Variants in DCC observed in about 807,000 individuals in gnomAD.
DCC encodes the protein netrin receptor DCC.
DCC carries 58 observed loss-of-function variants against 172.5 expected under a neutral mutation model. That is an observed-to-expected ratio of 0.34 (90% CI 0.27 to 0.42). DCC has a LOEUF of 0.42. DCC is among the 10% of genes least tolerant of loss of function. The probability of loss-of-function intolerance (pLI) is 1.00; values close to 1 mark genes in which losing one functional copy is unlikely to be tolerated. For synonymous variants in DCC, 709 were observed against 644.5 expected, an observed-to-expected ratio of 1.10 and a Z score of -1.52; for missense variants, 1,740 against 1,791.0, an observed-to-expected ratio of 0.97 and a Z score of 0.51.
chr18:52,512,998 T>G (rs1463242546), intron 1 of DCC, among the ~76,000 whole-genome samples: 2 of 151,708 alleles, frequency 1.3e-5, no homozygotes, highest in African/African-American at 4.8e-5. Context: ...GAGCTAGGAG[T>G]AGAAAATATA....
chr18:53,124,139 CTTTTG>C (rs2043521645), intron 7 of DCC, among the ~76,000 whole-genome samples: 1 of 151,976 alleles, frequency 6.6e-6, no homozygotes, highest in Non-Finnish European at 1.5e-5. Context: ...TTTCATTTTT[CTTTTG>C]TTTTGTTCTT....
At chr18:52,767,444 A>C (rs1252479439) in intron 2 of DCC, among the ~76,000 whole-genome samples, 2 of 152,326 alleles carry the variant, frequency 1.3e-5, no homozygotes, top group Middle Eastern at 3.4e-3. Context: ...ATATCACAAA[A>C]GTAAATGGTC....
intron 12 of DCC, among the ~76,000 whole-genome samples, chr18:53,233,280 C>G (rs1023084182): frequency 4.6e-5 from 7 of 152,178 alleles, no homozygotes; most frequent in African/African-American, 1.4e-4. Flanking sequence ...AGTGTCCTCC[C>G]TATTTCTTCA....
At chr18:53,523,285 G>A (rs1386859108) in intron 27 of DCC, among the ~76,000 whole-genome samples, 2 of 152,162 alleles carry the variant, frequency 1.3e-5, no homozygotes, top group Non-Finnish European at 2.9e-5. Context: ...AGAGGATGTG[G>A]AGAAATAGGA....
At chr18:53,505,908 A>AG (rs2046168551) in intron 27 of DCC, among the ~76,000 whole-genome samples, 1 of 152,206 alleles carries the variant, frequency 6.6e-6, no homozygotes, top group Admixed American at 6.5e-5. Flanking sequence ...ACTGCTGTAT[A>AG]GATTTTGTTG....
intron 15 of DCC, among the ~76,000 whole-genome samples, chr18:53,370,077 T>C (rs544583642): frequency 6.6e-6 from 1 of 151,974 alleles, no homozygotes; most frequent in South Asian, 2.1e-4. Flanking sequence ...TACAAACCCA[T>C]GAGGTCCTGG....
intron 1 of DCC, among the ~76,000 whole-genome samples, chr18:52,505,128 A>G (rs1190223747): frequency 6.6e-6 from 1 of 152,192 alleles, no homozygotes; most frequent in East Asian, 1.9e-4. Flanking sequence ...AACTTGCTGT[A>G]AGAGGCAAAC....
intron 1 of DCC, among the ~76,000 whole-genome samples, chr18:52,696,803 C>T (rs554591168): frequency 2.6e-5 from 4 of 152,264 alleles, no homozygotes; most frequent in South Asian, 2.1e-4. Flanking sequence ...AGCCTGGAAT[C>T]GAAGGCTACA....
chr18:52,536,061 GATGGGGTAGGAGA>G (rs1238820446), intron 1 of DCC, among the ~76,000 whole-genome samples: 2 of 152,138 alleles, frequency 1.3e-5, no homozygotes, highest in Non-Finnish European at 2.9e-5. Context: ...CAGACGCTGA[GATGGGGTAGGAGA>G]ACAAAAAAGC....
At chr18:52,370,252 A>G (rs1472298706) in intron 1 of DCC, among the ~76,000 whole-genome samples, 2 of 152,230 alleles carry the variant, frequency 1.3e-5, no homozygotes, top group African/African-American at 4.8e-5. Flanking sequence ...AATATAAATC[A>G]TTCTATTATA....
At chr18:53,278,096 A>G (rs2056827377) in intron 12 of DCC, among the ~76,000 whole-genome samples, 1 of 152,182 alleles carries the variant, frequency 6.6e-6, no homozygotes, top group Non-Finnish European at 1.5e-5. Context: ...TCACAGGCAT[A>G]TGACTAGACA....
chr18:52,426,575 G>A (rs1271914225), intron 1 of DCC, among the ~76,000 whole-genome samples: 1 of 151,812 alleles, frequency 6.6e-6, no homozygotes. Context: ...AGCAACCACC[G>A]ACAAAAACCT....
At chr18:53,480,525 C>CT (rs1245536930) in intron 25 of DCC, among the ~76,000 whole-genome samples, 4 of 152,162 alleles carry the variant, frequency 2.6e-5, no homozygotes, top group African/African-American at 4.8e-5. Context: ...GCATAGCACT[C>CT]TTTTTTTCAA....
At chr18:52,671,755 C>T (rs1372255116) in intron 1 of DCC, among the ~76,000 whole-genome samples, 1 of 151,766 alleles carries the variant, frequency 6.6e-6, no homozygotes, top group Non-Finnish European at 1.5e-5. Context: ...AGGCTGGTCT[C>T]GAACTCCTGA....
chr18:52,399,115 T>C (rs1042657860), intron 1 of DCC, among the ~76,000 whole-genome samples: 4 of 151,998 alleles, frequency 2.6e-5, no homozygotes, highest in Non-Finnish European at 5.9e-5. Context: ...TAAACTGAGA[T>C]AAGGCTCTTG....
chr18:53,060,581 A>G (rs2042479769), intron 5 of DCC, among the ~76,000 whole-genome samples: 1 of 152,162 alleles, frequency 6.6e-6, no homozygotes, highest in Non-Finnish European at 1.5e-5. Context: ...ATAATTGTTG[A>G]GGCATCCCTG....
In DCC at chr18:53,526,105, A is replaced by C. The variant is rs187233776; in HGVS notation, c.4112-512A>C. ...AGAATTACATCTTTTTTGTTCCAAA[A>C]TAGAATTAAAAATGATAGTCTATCA... On this transcript the variant is annotated intron_variant, in intron 27 of 28. Transcript: ENST00000442544. Among the ~76,000 whole-genome samples the C allele has an allele frequency of 3.5e-4, 52 of 147,446 alleles. No homozygotes were observed. In the East Asian group the frequency reaches 9.6e-3, roughly 27 times the overall value.
rs113607434 is a variant in DCC at position 53,016,805 on chromosome 18, A to G, written c.986-46500A>G. On this transcript the variant is annotated intron_variant, in intron 5 of 28. Coordinates refer to ENST00000442544, the MANE Select transcript of DCC (RefSeq NM_005215.4). ...TATATTTGTTTTCAAAAGATTTTTT[A>G]CGTCTGCCCTTTAATGTTTACAGCT... 6.7e-3 allele frequency among the ~76,000 whole-genome samples: 1,017 copies of G among 152,270 alleles called. 17 individuals carry two copies. Among genetic ancestry groups the G allele is most frequent in the African/African-American group, 0.023 (957 of 41,570 alleles).
chr18:52,703,164 T>C (rs1424376123), intron 1 of DCC, among the ~76,000 whole-genome samples: 3 of 152,208 alleles, frequency 2.0e-5, no homozygotes, highest in African/African-American at 7.2e-5. Flanking sequence ...TAAAATCTTC[T>C]GAATTTTGAA....
Sources: gnomAD v4.1 joint callset for allele counts (sites outside exome capture counted in the v4.1 genomes callset) on GRCh38, gnomAD v4.1.1 for gene constraint, MANE v1.5 for transcripts, NCBI Gene and HGNC (gene_info 2026-07-23, HGNC 2026-07-21) for gene names.